The following SPOCK1 variants were observed in gnomAD, a reference collection of about 807,000 sequenced individuals.
SPOCK1 encodes the protein SPARC (osteonectin), cwcv and kazal like domains proteoglycan 1.
SPOCK1 carries 23 observed loss-of-function variants against 55.3 expected under a neutral mutation model. That is an observed-to-expected ratio of 0.42 (90% CI 0.30 to 0.59). The LOEUF (loss-of-function observed/expected upper bound fraction) is 0.59, where lower values mean the gene tolerates loss of function less well. SPOCK1 is among the 20% of genes least tolerant of loss of function. The pLI, the probability that SPOCK1 is intolerant of heterozygous loss-of-function variation, is 0.22. For missense variants in SPOCK1, 499 were observed against 552.5 expected, an observed-to-expected ratio of 0.90 and a Z score of 0.97; for synonymous variants, 226 against 221.0, an observed-to-expected ratio of 1.02 and a Z score of -0.20.
At chr5:137,180,258 C>G (rs1194286857) in intron 3 of SPOCK1, among the ~76,000 whole-genome samples, 1 of 150,316 alleles carries the variant, frequency 6.7e-6, no homozygotes, top group African/African-American at 2.5e-5. Context: ...ATGTTTTGTA[C>G]AGCAAAAAGA....
At chr5:137,159,196 C>T (rs1048528193) in intron 3 of SPOCK1, among the ~76,000 whole-genome samples, 36 of 151,942 alleles carry the variant, frequency 2.4e-4, no homozygotes, top group African/African-American at 8.0e-4. Context: ...AATTTGGAGG[C>T]GGGAAAATAC....
chr5:137,413,631 G>A lies in SPOCK1; in HGVS notation c.186+84742C>T, dbSNP rs548082524. ...TCACAGCCCTCAAACCAAGACCTGA[G>A]CTACACTCCTGGCTTCTCTGAAGGC... On this transcript the variant is annotated intron_variant, in intron 2 of 10. Transcript: ENST00000394945. Among the ~76,000 whole-genome samples the A allele has an allele frequency of 2.6e-5, 4 of 152,200 alleles. No individual in the cohort carries two copies. The East Asian group carries it at 7.7e-4, about 29-fold the overall frequency.
chr5:137,028,087 G>T (rs939763585), intron 6 of SPOCK1, among the ~76,000 whole-genome samples: 7 of 152,200 alleles, frequency 4.6e-5, no homozygotes, highest in African/African-American at 1.7e-4. Context: ...CACACCTCTT[G>T]TGCTCCACTC....
intron 5 of SPOCK1, among the ~76,000 whole-genome samples, chr5:137,087,968 A>T (rs1256522116): frequency 3.3e-5 from 5 of 152,256 alleles, no homozygotes; most frequent in African/African-American, 4.8e-5. Flanking sequence ...GCCCAGAAGC[A>T]TCTACCACTT....
intron 2 of SPOCK1, among the ~76,000 whole-genome samples, chr5:137,334,632 T>A (rs1750200593): frequency 6.6e-6 from 1 of 152,176 alleles, no homozygotes; most frequent in Non-Finnish European, 1.5e-5. Flanking sequence ...TGTAACACAG[T>A]CTTCGGTTCA....
chr5:137,092,367 AT>A (rs775238389), intron 5 of SPOCK1, among the ~76,000 whole-genome samples: 12 of 152,218 alleles, frequency 7.9e-5, no homozygotes, highest in Non-Finnish European at 1.8e-4. Flanking sequence ...AGGGGCTGAG[AT>A]TTACAGGAGG....
chr5:137,438,348 T>C (rs1752907594), intron 2 of SPOCK1, among the ~76,000 whole-genome samples: 1 of 151,978 alleles, frequency 6.6e-6, no homozygotes. Context: ...TGCAGATGAA[T>C]GGGATATGGG....
chr5:137,011,043 AC>A (rs1274523472), intron 6 of SPOCK1, among the ~76,000 whole-genome samples: 1 of 152,134 alleles, frequency 6.6e-6, no homozygotes, highest in Non-Finnish European at 1.5e-5. Context: ...TTATTTGAAA[AC>A]CATGGAACGC....
At chr5:137,317,901 T>C (rs2127145406) in intron 2 of SPOCK1, among the ~76,000 whole-genome samples, 1 of 152,364 alleles carries the variant, frequency 6.6e-6, no homozygotes, top group Middle Eastern at 3.4e-3. Flanking sequence ...CATATTTTTA[T>C]TCTTCTCAGT....
chr5:137,425,403 C>T (rs1752586888), intron 2 of SPOCK1, among the ~76,000 whole-genome samples: 1 of 152,104 alleles, frequency 6.6e-6, no homozygotes, highest in South Asian at 2.1e-4. Context: ...AAACATCCTC[C>T]ACAACCTGCC....
At chr5:137,383,077 C>A (rs1751511553) in intron 2 of SPOCK1, among the ~76,000 whole-genome samples, 1 of 152,076 alleles carries the variant, frequency 6.6e-6, no homozygotes, top group African/African-American at 2.4e-5. Flanking sequence ...CCTTTGGAGT[C>A]AGAAAGACTC....
At position 137,112,842 on chromosome 5, in the gene SPOCK1, G is replaced by GAAA. The variant is rs143974616; in HGVS notation, c.348-284_348-282dup. Among the ~76,000 whole-genome samples, 28 of 140,222 alleles carry GAAA rather than the reference G, an allele frequency of 2.0e-4. 3 individuals are homozygous for GAAA. Among genetic ancestry groups the GAAA allele is most frequent in the Non-Finnish European group, 2.6e-4 (17 of 65,218 alleles). 92.0% of individuals were successfully genotyped at this position (140,222 alleles called of 152,430 possible). The stretch of plus-strand genomic sequence containing the variant: ...CATGGGAAGATTTTTACAACACACA[G>GAAA]AAAAAAAAAGAAAAAAAACGGTGAG... On this transcript the variant is annotated intron_variant, in intron 4 of 10. Transcript: ENST00000394945.
At chr5:137,155,889 C>G (rs1235794227) in intron 3 of SPOCK1, among the ~76,000 whole-genome samples, 1 of 152,210 alleles carries the variant, frequency 6.6e-6, no homozygotes, top group East Asian at 1.9e-4. Context: ...CACTGGGCGG[C>G]CTTGCTCCCT....
At position 136,985,164 on chromosome 5, in the gene SPOCK1, G is replaced by A; in HGVS notation, c.967C>T (p.Leu323=). Residue 323 remains leucine, a synonymous_variant, in exon 9 of 11, where the codon CTG becomes TTG. Coordinates refer to ENST00000394945, the MANE Select transcript of SPOCK1 (RefSeq NM_004598.4). ...CQNEMNRIQK[L]SKGKSLLGAF... ...CCCAACAGGCTTTTCCCCTTACTCA[G>A]CTTCTGAATTCTGTTCATTTCATTC... 6.2e-7 allele frequency: 1 copy of A among 1,614,114 alleles called. No individual in the cohort carries two copies. The highest frequency in any genetic ancestry group is 8.5e-7 in the Non-Finnish European group (1 of 1,179,968).
intron 5 of SPOCK1, among the ~76,000 whole-genome samples, chr5:137,089,269 C>T (rs55899974): frequency 6.6e-6 from 1 of 152,212 alleles, no homozygotes; most frequent in Admixed American, 6.5e-5. Flanking sequence ...AACAACAAAA[C>T]TTCAGAAGCC....
intron 2 of SPOCK1, among the ~76,000 whole-genome samples, chr5:137,300,016 G>C (rs1757557003): frequency 6.6e-6 from 1 of 151,940 alleles, no homozygotes; most frequent in South Asian, 2.1e-4. Flanking sequence ...TTCTTTCTCT[G>C]GGATTCCTAT....
At chr5:137,146,790 T>C (rs1353116885) in intron 3 of SPOCK1, among the ~76,000 whole-genome samples, 3 of 152,174 alleles carry the variant, frequency 2.0e-5, no homozygotes, top group Non-Finnish European at 2.9e-5. Flanking sequence ...TTCTTTCCTT[T>C]CATATTCAAG....
At chr5:137,235,125 T>G (rs1044563757) in intron 3 of SPOCK1, among the ~76,000 whole-genome samples, 6 of 152,004 alleles carry the variant, frequency 3.9e-5, no homozygotes, top group Non-Finnish European at 7.4e-5. Flanking sequence ...GAGCTGAGGC[T>G]CCCAGGAAGA....
chr5:137,017,955 A>AATTC (rs1440260334), intron 6 of SPOCK1, among the ~76,000 whole-genome samples: 1 of 152,238 alleles, frequency 6.6e-6, no homozygotes, highest in East Asian at 1.9e-4. Context: ...TCCAAATTAC[A>AATTC]ATTCAATCTA....
Sources: gnomAD v4.1 joint callset for allele counts (sites outside exome capture counted in the v4.1 genomes callset) on GRCh38, gnomAD v4.1.1 for gene constraint, MANE v1.5 for transcripts, NCBI Gene and HGNC (gene_info 2026-07-23, HGNC 2026-07-21) for gene names.